ASTN1: variants seen among roughly 807,000 people sequenced by gnomAD.
The protein encoded by ASTN1 is astrotactin-1.
ASTN1 carries 41 observed loss-of-function variants against 140.7 expected under a neutral mutation model. That is an observed-to-expected ratio of 0.29 (90% confidence interval 0.23 to 0.38). ASTN1 has a LOEUF of 0.38. Among genes scored for constraint, ASTN1 ranks in the 10% least tolerant of loss-of-function variants. The pLI is 1.00. For synonymous variants in ASTN1, 640 were observed against 652.2 expected (o/e 0.98, Z 0.29); for missense variants, 1,479 against 1,678.8 (o/e 0.88, Z 2.08).
intron 5 of ASTN1, among the ~76,000 whole-genome samples, chr1:177,027,710 T>A (rs987960455): frequency 8.2e-6 from 1 of 121,618 alleles, no homozygotes; most frequent in African/African-American, 2.8e-5. Context: ...AGAAACCCAG[T>A]ACAGTGTGTG....
chr1:177,157,371 A>G (rs1683284997), intron 1 of ASTN1, among the ~76,000 whole-genome samples: 2 of 152,156 alleles, frequency 1.3e-5, no homozygotes. Flanking sequence ...GCCAGAATGC[A>G]GTGGTAGGAT....
chr1:177,081,890 C>T (rs76777881), intron 1 of ASTN1, among the ~76,000 whole-genome samples: 2,099 of 152,042 alleles, frequency 0.014, 29 homozygotes, highest in Non-Finnish European at 0.022. Flanking sequence ...GAATGGAAAA[C>T]GCAGAGGAGA....
At chr1:177,022,283 T>C (rs2101954305) in intron 7 of ASTN1, among the ~76,000 whole-genome samples, 1 of 152,230 alleles carries the variant, frequency 6.6e-6, no homozygotes, top group Non-Finnish European at 1.5e-5. Context: ...GCACATGCTG[T>C]ACAAAAAGCT....
chr1:177,131,820 C>T (rs1312523642), intron 1 of ASTN1, among the ~76,000 whole-genome samples: 2 of 152,124 alleles, frequency 1.3e-5, no homozygotes, highest in South Asian at 4.1e-4. Context: ...CTTTGTCTCA[C>T]AGCAGAAACC....
rs369049721 is a variant in ASTN1, at chr1:176,901,523, C to T, written c.2672-6693G>A. 5.7e-4 allele frequency among the ~76,000 whole-genome samples: 87 copies of T among 152,214 alleles called. 1 individual carries two copies. The highest frequency in any genetic ancestry group is 2.0e-3 in the African/African-American group (84 of 41,528). Reference sequence around the variant, plus strand: ...CTGTGGGAGCAGTTGGATGTAGCTCCGGGAGGAAAAGTACTTGCAGTCATA... The same window carrying T: ...CTGTGGGAGCAGTTGGATGTAGCTCTGGGAGGAAAAGTACTTGCAGTCATA... On this transcript the variant is annotated intron_variant, in intron 16 of 22. Coordinates refer to ENST00000361833, the MANE Select transcript of ASTN1 (RefSeq NM_004319.3).
intron 16 of ASTN1, among the ~76,000 whole-genome samples, chr1:176,925,126 C>CTAGT (rs1412676369): frequency 1.3e-5 from 2 of 152,122 alleles, no homozygotes; most frequent in African/African-American, 4.8e-5. Context: ...GCACACAAGC[C>CTAGT]TAGTGATCAA....
At chr1:177,044,529 G>A (rs1677129820) in intron 2 of ASTN1, among the ~76,000 whole-genome samples, 1 of 152,154 alleles carries the variant, frequency 6.6e-6, no homozygotes, top group African/African-American at 2.4e-5. Flanking sequence ...GCCAAAGATG[G>A]GCTGTAGCAA....
At chr1:176,948,074 A>C (rs940038947) in intron 12 of ASTN1, among the ~76,000 whole-genome samples, 4 of 152,248 alleles carry the variant, frequency 2.6e-5, no homozygotes, top group Non-Finnish European at 5.9e-5. Flanking sequence ...AATGAAACAC[A>C]ATAAAATAAC....
chr1:176,945,894 T>C, intron 13 of ASTN1, 32 bp downstream of exon 13: 1 of 1,558,898 alleles, frequency 6.4e-7, no homozygotes. Context: ...CCAACAGTCT[T>C]GAACAATCAG....
intron 4 of ASTN1, 126 bp downstream of exon 4, chr1:177,030,680 A>G (rs1339520879): frequency 7.6e-6 from 10 of 1,324,492 alleles, no homozygotes; most frequent in East Asian, 2.4e-5. Context: ...ACTGGCCTCC[A>G]GAAAGGCTGT....
At chr1:177,117,890 G>C (rs1681176878) in intron 1 of ASTN1, among the ~76,000 whole-genome samples, 2 of 152,074 alleles carry the variant, frequency 1.3e-5, no homozygotes, top group Non-Finnish European at 2.9e-5. Context: ...TGCAAGCCCT[G>C]GATGCCCATC....
At chr1:176,933,324 A>C (rs1453021542) in intron 16 of ASTN1, among the ~76,000 whole-genome samples, 1 of 152,208 alleles carries the variant, frequency 6.6e-6, no homozygotes, top group African/African-American at 2.4e-5. Flanking sequence ...CTTGGTCATT[A>C]AGTCTTAAGA....
chr1:176,887,799 ACCTC>A (rs1053793659), intron 18 of ASTN1, among the ~76,000 whole-genome samples: 45 of 151,756 alleles, frequency 3.0e-4, no homozygotes, highest in African/African-American at 9.7e-4. Context: ...TTCAAGCGCC[ACCTC>A]CTCCACAGAG....
At chr1:177,075,155 C>T (rs563094318) in intron 1 of ASTN1, among the ~76,000 whole-genome samples, 2 of 152,176 alleles carry the variant, frequency 1.3e-5, no homozygotes, top group Non-Finnish European at 2.9e-5. Context: ...CTCACTGCAA[C>T]CTCCGCCTCC....
chr1:177,025,849 G>A (rs1676083080), intron 5 of ASTN1, among the ~76,000 whole-genome samples: 1 of 152,154 alleles, frequency 6.6e-6, no homozygotes, highest in African/African-American at 2.4e-5. Context: ...AGTGCTCAGG[G>A]TTTGATGTGG....
chr1:177,044,012 A>G (rs1286276035), intron 2 of ASTN1, among the ~76,000 whole-genome samples: 2 of 152,126 alleles, frequency 1.3e-5, no homozygotes, highest in African/African-American at 2.4e-5. Context: ...GAAGGCAATC[A>G]CTGAATGAGG....
intron 1 of ASTN1, among the ~76,000 whole-genome samples, chr1:177,088,743 C>G (rs1679595210): frequency 6.6e-6 from 1 of 152,070 alleles, no homozygotes; most frequent in Non-Finnish European, 1.5e-5. Context: ...AGTCGTACTC[C>G]CAGAATAAAC....
chr1:177,164,519 A>G lies in ASTN1; in HGVS notation c.158T>C (p.Leu53Pro), dbSNP rs1229151646. 1.9e-6 allele frequency: 3 copies of G among 1,613,428 alleles called. No individual in the cohort carries two copies. Among genetic ancestry groups the G allele is most frequent in the Non-Finnish European group, 2.5e-6 (3 of 1,179,918 alleles). The change falls in exon 1 of 23, where the codon CTG becomes CCG. Residue 53 changes from leucine (L) to proline (P), a missense_variant. By Grantham distance (98) the Leu-to-Pro change is moderately conservative. Around this residue, in one of 3 missense-constraint regions of ASTN1, gnomAD observed 729 missense variants for 860.4 expected, o/e 0.85. Coordinates refer to ENST00000361833, the MANE Select transcript of ASTN1 (RefSeq NM_004319.3). ...GGCCGAGGGGCTGTGCATGATGCTC[A>G]GGTCGTTCTCGCGCAGGAAGGGCAG... ...SALPFLRENDLSIMHSPSASE... is the reference protein window; with the variant it reads ...SALPFLRENDPSIMHSPSASE...
chr1:177,141,239 A>G lies in ASTN1; in HGVS notation c.283+23155T>C, dbSNP rs78146921. Among the ~76,000 whole-genome samples the G allele has an allele frequency of 9.6e-3, 1,455 of 152,232 alleles. 19 individuals are homozygous for G. The highest frequency in any genetic ancestry group is 0.03 in the African/African-American group (1,265 of 41,538). On this transcript the variant is annotated intron_variant, in intron 1 of 22. Transcript: ENST00000361833. ...CTCAAAAACAAACAAACAAACAAAA[A>G]AAACAAAGAGCACTTACTTCCTAGG... is the stretch of plus-strand genomic sequence containing the variant.
Sources: allele counts gnomAD v4.1 joint callset (sites outside exome capture counted in the v4.1 genomes callset), GRCh38; gene constraint gnomAD v4.1.1; regional missense constraint gnomAD v4.1.1; transcripts MANE v1.5; gene names NCBI Gene and HGNC (gene_info 2026-07-23, HGNC 2026-07-21).